The following CDC42SE2 variants were observed in gnomAD, a reference collection of about 807,000 sequenced individuals.
CDC42SE2 encodes the protein CDC42 small effector protein 2.
CDC42SE2 carries 3 observed loss-of-function variants against 11.5 expected under a neutral mutation model. The observed-to-expected ratio is 0.26, with a 90% CI of 0.12 to 0.67. The LOEUF is 0.67. CDC42SE2 is among the 30% of genes least tolerant of loss of function. The probability of loss-of-function intolerance (pLI) is 0.80; values close to 1 mark genes in which losing one functional copy is unlikely to be tolerated. For missense variants in CDC42SE2, 82 were observed against 106.8 expected, an observed-to-expected ratio of 0.77 and a Z score of 1.02; for synonymous variants, 33 against 34.8, an observed-to-expected ratio of 0.95 and a Z score of 0.18.
intron 1 of CDC42SE2, among the ~76,000 whole-genome samples, chr5:131,270,963 G>T (rs1053227181): frequency 6.6e-6 from 1 of 152,106 alleles, no homozygotes; most frequent in Non-Finnish European, 1.5e-5. Flanking sequence ...GTGGGGGAAG[G>T]TATAGTTTTA....
intron 3 of CDC42SE2, among the ~76,000 whole-genome samples, chr5:131,372,833 C>A (rs1750049484): frequency 6.6e-6 from 1 of 152,068 alleles, no homozygotes; most frequent in African/African-American, 2.4e-5. Flanking sequence ...TGACACCTGT[C>A]TCATAGGATT....
At chr5:131,221,510 T>C in the CDC42SE2 span, among the ~76,000 whole-genome samples, 1 of 150,836 alleles carries the variant, frequency 6.6e-6, no homozygotes, top group Non-Finnish European at 1.5e-5. Context: ...TTAGCTACTA[T>C]ACAAAATACC....
chr5:131,239,648 G>A, the CDC42SE2 span, among the ~76,000 whole-genome samples: 1 of 152,128 alleles, frequency 6.6e-6, no homozygotes, highest in Non-Finnish European at 1.5e-5. Context: ...TTATAGAGCA[G>A]TTTTGTGTTT....
intron 2 of CDC42SE2, among the ~76,000 whole-genome samples, chr5:131,347,296 A>G (rs1255620496): frequency 1.2e-4 from 19 of 152,218 alleles, no homozygotes; most frequent in Admixed American, 1.1e-3. Context: ...AATAGATGCA[A>G]TAAAAAATGA....
In CDC42SE2 at chr5:131,316,003, T is replaced by G. The variant is rs1198985326; in HGVS notation, c.-427T>G. 1 of 152,308 alleles carries G rather than the reference T, an allele frequency of 6.6e-6. No homozygotes were observed. The highest frequency in any genetic ancestry group is 2.4e-5 in the African/African-American group (1 of 41,440). 9.4% of individuals were successfully genotyped at this position (152,308 alleles called of 1,614,324 possible). ...AGGGCCAGATTTGAGTGTGTGAATT[T>G]TTGAGTGAAACCTGGAACCCAAATG... On this transcript the variant is annotated 5_prime_UTR_variant, in exon 2 of 5. Transcript: ENST00000505065.
intron 1 of CDC42SE2, among the ~76,000 whole-genome samples, chr5:131,271,372 A>G (rs574584884): frequency 1.3e-5 from 2 of 152,326 alleles, no homozygotes; most frequent in African/African-American, 2.4e-5. Context: ...TTAGCCAGCC[A>G]AGGATAAAAA....
At chr5:131,363,736 C>G (rs1749778103) in intron 3 of CDC42SE2, among the ~76,000 whole-genome samples, 1 of 141,910 alleles carries the variant, frequency 7.0e-6, no homozygotes, top group Non-Finnish European at 1.5e-5. Flanking sequence ...CGCTGTGTCT[C>G]CCAAGCTGGA....
At chr5:131,267,005 C>A (rs1580720469) in intron 1 of CDC42SE2, among the ~76,000 whole-genome samples, 1 of 122,240 alleles carries the variant, frequency 8.2e-6, no homozygotes. Context: ...GAATTCTTGA[C>A]AATCAGCAGC....
intron 1 of CDC42SE2, among the ~76,000 whole-genome samples, chr5:131,293,572 CA>C (rs57767937): frequency 0.65 from 65,381 of 101,240 alleles, 20,403 homozygotes; most frequent in Admixed American, 0.76. Flanking sequence ...AACTCCGTCT[CA>C]AAAAAAAAAA....
At position 131,310,898 on chromosome 5, in the gene CDC42SE2, A is replaced by G. The variant is rs796589808; in HGVS notation, c.-454-5078A>G. ...CTGATGGGTCTTGACTCTTTATCCAATTTGCCAGTCTGTCTTTTAATTGGA... is the reference window on the plus strand; with the variant it reads ...CTGATGGGTCTTGACTCTTTATCCAGTTTGCCAGTCTGTCTTTTAATTGGA... On this transcript the variant is annotated intron_variant, in intron 1 of 4. Coordinates refer to ENST00000505065, the MANE Select transcript of CDC42SE2 (RefSeq NM_001375635.1). 8.8e-3 allele frequency among the ~76,000 whole-genome samples: 1,339 copies of G among 152,012 alleles called. 7 individuals carry two copies. Among genetic ancestry groups the G allele is most frequent in the African/African-American group, 0.015 (624 of 41,416 alleles).
the CDC42SE2 span, among the ~76,000 whole-genome samples, chr5:131,233,914 T>C: frequency 1.3e-5 from 2 of 152,318 alleles, no homozygotes; most frequent in African/African-American, 4.8e-5. Context: ...GAAAGCCTCA[T>C]GTTGAAGAGG....
At chr5:131,375,766 C>T (rs546565560) in intron 3 of CDC42SE2, among the ~76,000 whole-genome samples, 1 of 152,202 alleles carries the variant, frequency 6.6e-6, no homozygotes, top group Non-Finnish European at 1.5e-5. Flanking sequence ...TTTTTCCAGT[C>T]TCTGCAGTAT....
intron 1 of CDC42SE2, among the ~76,000 whole-genome samples, chr5:131,313,516 T>A (rs912106622): frequency 1.3e-5 from 2 of 152,220 alleles, no homozygotes; most frequent in Non-Finnish European, 2.9e-5. Context: ...TGATTTTGAG[T>A]TAATTTTGGC....
intron 1 of CDC42SE2, among the ~76,000 whole-genome samples, chr5:131,248,789 G>A (rs1252791133): frequency 1.3e-5 from 2 of 151,976 alleles, no homozygotes; most frequent in East Asian, 1.9e-4. Context: ...ATTATAAAAC[G>A]TTGTTAAGAA....
intron 2 of CDC42SE2, among the ~76,000 whole-genome samples, chr5:131,316,849 G>A (rs1258997268): frequency 6.6e-6 from 1 of 152,066 alleles, no homozygotes; most frequent in Non-Finnish European, 1.5e-5. Flanking sequence ...CCTGTTATTT[G>A]CTATAGAAAT....
the CDC42SE2 span, among the ~76,000 whole-genome samples, chr5:131,218,580 C>T: frequency 6.6e-5 from 10 of 152,002 alleles, no homozygotes; most frequent in Admixed American, 2.0e-4. Context: ...ATGTTCACAA[C>T]GTTACTATTT....
At chr5:131,347,225 A>G (rs1248659459) in intron 2 of CDC42SE2, among the ~76,000 whole-genome samples, 1 of 152,172 alleles carries the variant, frequency 6.6e-6, no homozygotes, top group Non-Finnish European at 1.5e-5. Context: ...GTTTTTGAAA[A>G]GATCAACAAA....
chr5:131,331,473 G>A (rs1055628704), intron 2 of CDC42SE2, among the ~76,000 whole-genome samples: 1 of 152,072 alleles, frequency 6.6e-6, no homozygotes, highest in Admixed American at 6.6e-5. Context: ...TGAGCTGTGG[G>A]TTCATCATTT....
At chr5:131,386,030 T>C (rs1035532285) in intron 4 of CDC42SE2, among the ~76,000 whole-genome samples, 1 of 152,234 alleles carries the variant, frequency 6.6e-6, no homozygotes, top group Non-Finnish European at 1.5e-5. Context: ...GTTCAGTTAG[T>C]TGCCTTTTGC....
Sources: allele counts gnomAD v4.1 joint callset (sites outside exome capture counted in the v4.1 genomes callset), GRCh38; gene constraint gnomAD v4.1.1; transcripts MANE v1.5; gene names NCBI Gene and HGNC (gene_info 2026-07-23, HGNC 2026-07-21).